The following CDH4 variants were observed in gnomAD, a reference collection of about 807,000 sequenced individuals.
CDH4 encodes cadherin 4.
Under a neutral mutation model 86.0 loss-of-function variants are expected in CDH4, and 33 were observed. The observed-to-expected ratio is 0.38, with a 90% CI of 0.29 to 0.51. CDH4 has a LOEUF of 0.51. Among genes scored for constraint, CDH4 ranks in the 20% least tolerant of loss-of-function variants. CDH4 has a pLI of 0.86. For synonymous variants in CDH4, 555 were observed against 549.4 expected, an observed-to-expected ratio of 1.01 and a Z score of -0.14; for missense variants, 1,114 against 1,307.4, an observed-to-expected ratio of 0.85 and a Z score of 2.28.
intron 2 of CDH4, among the ~76,000 whole-genome samples, chr20:61,387,675 G>A (rs761265640): frequency 6.6e-6 from 1 of 152,220 alleles, no homozygotes; most frequent in Admixed American, 6.5e-5. Flanking sequence ...CTGTGCTCAG[G>A]TACGTAATTA....
rs754124450 is a variant in CDH4 at position 61,308,036 on chromosome 20, C to T, written c.169+53099C>T. Among the ~76,000 whole-genome samples the T allele has an allele frequency of 2.6e-5, 4 of 152,186 alleles. 1 individual carries two copies. The highest frequency in any genetic ancestry group is 2.0e-4 in the Admixed American group (3 of 15,276). On this transcript the variant is annotated intron_variant, in intron 2 of 15. Transcript: ENST00000614565. ...CCAGGCATGGAGAGCTTCTGAAACACGGCTCTCCCTGTGGAGGTGAGATGA... is the reference window on the plus strand; with the variant it reads ...CCAGGCATGGAGAGCTTCTGAAACATGGCTCTCCCTGTGGAGGTGAGATGA...
chr20:61,362,741 C>T (rs148599071), intron 2 of CDH4, among the ~76,000 whole-genome samples: 25 of 152,110 alleles, frequency 1.6e-4, no homozygotes, highest in Admixed American at 1.0e-3. Flanking sequence ...GGGCACTCCC[C>T]GAGACAGGGG....
intron 2 of CDH4, among the ~76,000 whole-genome samples, chr20:61,321,634 G>A (rs572329449): frequency 6.5e-4 from 99 of 152,270 alleles, no homozygotes; most frequent in Non-Finnish European, 1.2e-3. Context: ...GAGGACTTCC[G>A]GCTTCGTCAA....
At chr20:61,469,909 A>T (rs1475857674) in intron 2 of CDH4, among the ~76,000 whole-genome samples, 1 of 152,048 alleles carries the variant, frequency 6.6e-6, no homozygotes, top group Admixed American at 6.5e-5. Context: ...CTTCTGTTCC[A>T]TTGGCTTATG....
chr20:61,568,565 A>T (rs1360470989), intron 2 of CDH4, among the ~76,000 whole-genome samples: 1 of 152,182 alleles, frequency 6.6e-6, no homozygotes, highest in African/African-American at 2.4e-5. Flanking sequence ...CTTTTTGATG[A>T]TGTCTGGAGG....
At chr20:61,309,811 T>C (rs2084436123) in intron 2 of CDH4, among the ~76,000 whole-genome samples, 1 of 152,024 alleles carries the variant, frequency 6.6e-6, no homozygotes, top group African/African-American at 2.4e-5. Context: ...AACTAAGCAA[T>C]GTTTCAGAAA....
rs2084680249 is a variant in CDH4 at position 61,346,525 on chromosome 20, C to T, written c.169+91588C>T. On this transcript the variant is annotated intron_variant, in intron 2 of 15. Coordinates refer to ENST00000614565, the MANE Select transcript of CDH4 (RefSeq NM_001794.5). ...TTGGGAGGCTGAGGCAGGCGGATCA[C>T]CTGAGGCCAGGAGTTCAACACTAGC... is the stretch of plus-strand genomic sequence containing the variant. 2.6e-5 allele frequency among the ~76,000 whole-genome samples: 4 copies of T among 152,122 alleles called. No individual in the cohort carries two copies. In the South Asian group the frequency reaches 8.3e-4, roughly 32 times the overall value.
intron 2 of CDH4, among the ~76,000 whole-genome samples, chr20:61,325,297 C>T (rs2084530841): frequency 6.6e-6 from 1 of 152,012 alleles, no homozygotes; most frequent in African/African-American, 2.4e-5. Context: ...AGGAAGCTGG[C>T]ATCCCTGAAT....
At chr20:61,839,828 C>G (rs1373108353) in intron 4 of CDH4, among the ~76,000 whole-genome samples, 1 of 149,326 alleles carries the variant, frequency 6.7e-6, no homozygotes, top group African/African-American at 2.5e-5. Context: ...TGTTGTGTGT[C>G]TGTGTGTAGG....
At chr20:61,404,721 T>C (rs2085070627) in intron 2 of CDH4, among the ~76,000 whole-genome samples, 1 of 152,048 alleles carries the variant, frequency 6.6e-6, no homozygotes, top group Admixed American at 6.5e-5. Context: ...TTAGGCTTTT[T>C]TTTTTTTTCT....
At chr20:61,657,269 G>A (rs1210544507) in intron 2 of CDH4, among the ~76,000 whole-genome samples, 1 of 152,210 alleles carries the variant, frequency 6.6e-6, no homozygotes, top group African/African-American at 2.4e-5. Context: ...AACAAAACAA[G>A]GTTGATTCTC....
Position 61,537,872 on chromosome 20 carries a change from G to T in CDH4, c.170-205691G>T, listed in dbSNP as rs60459732. The stretch of plus-strand genomic sequence containing the variant: ...AGAAACATCACAGCGCCATGAAAGG[G>T]GCCGAGCGAGTCGGCTGCGTGGCCT... On this transcript the variant is annotated intron_variant, in intron 2 of 15. Transcript: ENST00000614565. Among the ~76,000 whole-genome samples the T allele has an allele frequency of 5.0e-3, 767 of 152,278 alleles. 19 individuals are homozygous for T. The East Asian group carries it at 0.052, about 10-fold the overall frequency.
intron 7 of CDH4, among the ~76,000 whole-genome samples, chr20:61,877,892 A>G (rs918291185): frequency 6.6e-6 from 1 of 152,064 alleles, no homozygotes; most frequent in Non-Finnish European, 1.5e-5. Context: ...CCATTGTGTG[A>G]CAACGCGTCT....
chr20:61,291,370 C>T (rs929841799), intron 2 of CDH4, among the ~76,000 whole-genome samples: 8 of 152,230 alleles, frequency 5.3e-5, no homozygotes, highest in African/African-American at 1.2e-4. Flanking sequence ...GTGGAAAGAA[C>T]GAGAACTCAA....
At chr20:61,844,983 C>T (rs1982371053) in intron 5 of CDH4, among the ~76,000 whole-genome samples, 160 bp downstream of exon 5, 1 of 152,250 alleles carries the variant, frequency 6.6e-6, no homozygotes, top group Non-Finnish European at 1.5e-5. Flanking sequence ...GGGGAAAGCC[C>T]AGGTCGCTGG....
chr20:61,754,558 A>G lies in CDH4; in HGVS notation c.396+10769A>G, dbSNP rs1307318817. On this transcript the variant is annotated intron_variant, in intron 3 of 15. Coordinates refer to ENST00000614565, the MANE Select transcript of CDH4 (RefSeq NM_001794.5). The surrounding 1 kb of genome is among the most constrained non-coding windows in gnomAD (Gnocchi z 4.7). ...GGGATGAGGAACGGGTGCCATTCCA[A>G]GGGCAGCAGCACACAACAGGTGCAG... 2.0e-5 allele frequency among the ~76,000 whole-genome samples: 3 copies of G among 151,522 alleles called. No individual in the cohort carries two copies. The highest frequency in any genetic ancestry group is 7.3e-5 in the African/African-American group (3 of 40,884).
At chr20:61,565,345 C>CTGGTG (rs2086284668) in intron 2 of CDH4, among the ~76,000 whole-genome samples, 1 of 26,428 alleles carries the variant, frequency 3.8e-5, no homozygotes, top group Non-Finnish European at 7.0e-5. Flanking sequence ...TGGTAGTGGT[C>CTGGTG]CTCTTGGTGA....
intron 4 of CDH4, 74 bp downstream of exon 4, chr20:61,773,256 C>A: frequency 7.2e-7 from 1 of 1,394,922 alleles, no homozygotes; most frequent in Non-Finnish European, 9.5e-7. Context: ...CATCCCAAAG[C>A]CAGGGGCGGG....
intron 8 of CDH4, among the ~76,000 whole-genome samples, chr20:61,903,706 C>T (rs559628361): frequency 5.3e-5 from 8 of 152,140 alleles, no homozygotes; most frequent in South Asian, 2.1e-4. Context: ...GGGTATGGGG[C>T]CGAGAGGCAG....
Sources: gnomAD v4.1 joint callset for allele counts (sites outside exome capture counted in the v4.1 genomes callset) on GRCh38, gnomAD v4.1.1 for gene constraint, Gnocchi (gnomAD v3.1) non-coding constraint, MANE v1.5 for transcripts, NCBI Gene and HGNC (gene_info 2026-07-23, HGNC 2026-07-21) for gene names.